The following DPP10 variants were observed in gnomAD, a reference collection of about 807,000 sequenced individuals.
The protein encoded by DPP10 is inactive dipeptidyl peptidase 10.
A neutral mutation model predicts 120.9 loss-of-function variants in DPP10; 33 were observed. That is an observed-to-expected ratio of 0.27 (90% CI 0.21 to 0.37). The LOEUF (loss-of-function observed/expected upper bound fraction) is 0.37. DPP10 is among the 10% of genes least tolerant of loss of function. DPP10 has a pLI of 1.00. For missense variants in DPP10, 816 were observed against 942.8 expected (o/e 0.87, Z 1.76); for synonymous variants, 337 against 326.1 (o/e 1.03, Z -0.36).
At chr2:115,343,376 A>G (rs2063544565) in intron 2 of DPP10, among the ~76,000 whole-genome samples, 1 of 152,068 alleles carries the variant, frequency 6.6e-6, no homozygotes, top group Non-Finnish European at 1.5e-5. Context: ...CTGACTTGAG[A>G]GTTTAGTCAT....
rs747462373 is a variant in DPP10 at position 115,391,158 on chromosome 2, A to G, written c.271+47246A>G. 2.6e-5 allele frequency among the ~76,000 whole-genome samples: 4 copies of G among 152,218 alleles called. No homozygotes were observed. In the East Asian group the frequency reaches 7.7e-4, roughly 29 times the overall value. The stretch of plus-strand genomic sequence containing the variant: ...GAAATCAAATGCATGACTTATCAAC[A>G]TAATCATTTTTGGATAGTATGCACT... On this transcript the variant is annotated intron_variant, in intron 3 of 25. Transcript: ENST00000410059.
At chr2:115,446,808 C>T (rs1225555625) in intron 3 of DPP10, among the ~76,000 whole-genome samples, 1 of 152,164 alleles carries the variant, frequency 6.6e-6, no homozygotes, top group African/African-American at 2.4e-5. Context: ...ATTACCAACA[C>T]ACCTTCCCCC....
intron 3 of DPP10, among the ~76,000 whole-genome samples, chr2:115,384,771 C>G (rs2066788421): frequency 6.6e-6 from 1 of 151,992 alleles, no homozygotes; most frequent in African/African-American, 2.4e-5. Context: ...GAACCTGCAA[C>G]TCTTCTGCCC....
intron 3 of DPP10, among the ~76,000 whole-genome samples, chr2:115,462,173 C>A (rs1428861948): frequency 6.6e-6 from 1 of 152,084 alleles, no homozygotes; most frequent in Admixed American, 6.6e-5. Context: ...CGTCACTTAC[C>A]AGTCACACAA....
chr2:115,830,268 G>A (rs1260411408), intron 21 of DPP10, among the ~76,000 whole-genome samples: 2 of 149,496 alleles, frequency 1.3e-5, no homozygotes, highest in Admixed American at 1.4e-4. Flanking sequence ...TGAAGCAGGA[G>A]AATCGCTTGA....
Position 115,451,461 on chromosome 2 carries a change from C to T in DPP10, c.272-48049C>T, listed in dbSNP as rs564905177. On this transcript the variant is annotated intron_variant, in intron 3 of 25. Coordinates refer to ENST00000410059, the MANE Select transcript of DPP10 (RefSeq NM_020868.6). ...CAAAAATAAAACTCTTTGAAAGCAT[C>T]TTGCCAATTGTCTCTAGCTCCTTTA... is the stretch of plus-strand genomic sequence containing the variant. 1.2e-3 allele frequency among the ~76,000 whole-genome samples: 179 copies of T among 151,980 alleles called. 1 individual carries two copies. In the Middle Eastern group the frequency reaches 0.017, roughly 14 times the overall value.
At chr2:115,789,381 G>C (rs1683695644) in intron 17 of DPP10, among the ~76,000 whole-genome samples, 1 of 151,938 alleles carries the variant, frequency 6.6e-6, no homozygotes, top group Non-Finnish European at 1.5e-5. Context: ...ACACCTCAAA[G>C]GAGTTTTTAA....
At chr2:115,763,799 C>T (rs1255155161) in intron 12 of DPP10, among the ~76,000 whole-genome samples, 1 of 152,114 alleles carries the variant, frequency 6.6e-6, no homozygotes, top group Non-Finnish European at 1.5e-5. Flanking sequence ...TTCTTTCTGT[C>T]CTTCAGATAA....
intron 1 of DPP10, among the ~76,000 whole-genome samples, chr2:114,729,546 G>C (rs1392234341): frequency 6.6e-6 from 1 of 152,174 alleles, no homozygotes; most frequent in Non-Finnish European, 1.5e-5. Context: ...CCAAAGTTTG[G>C]TCCCCACAAC....
intron 1 of DPP10, among the ~76,000 whole-genome samples, chr2:114,793,955 C>T (rs17043566): frequency 0.028 from 4,264 of 152,248 alleles, 211 homozygotes; most frequent in African/African-American, 0.098. Context: ...TTATTTTCAT[C>T]CTAAGGTTGC....
chr2:115,051,708 A>G (rs1361530780), intron 1 of DPP10, among the ~76,000 whole-genome samples: 1 of 152,214 alleles, frequency 6.6e-6, no homozygotes, highest in Non-Finnish European at 1.5e-5. Context: ...AATTTATGGC[A>G]GTAACATAAA....
chr2:115,304,446 C>A (rs1476004094), intron 1 of DPP10, among the ~76,000 whole-genome samples: 4 of 152,012 alleles, frequency 2.6e-5, no homozygotes, highest in Admixed American at 2.0e-4. Flanking sequence ...TTTTTAAGAA[C>A]CTTCCTTGTG....
intron 1 of DPP10, among the ~76,000 whole-genome samples, chr2:115,027,709 C>A (rs1703562678): frequency 6.6e-6 from 1 of 151,992 alleles, no homozygotes; most frequent in African/African-American, 2.4e-5. Context: ...AGAATTGGTT[C>A]TGTGTTTAAT....
chr2:115,234,042 AG>A, intron 1 of DPP10: 1 of 468,244 alleles, frequency 2.1e-6, no homozygotes, highest in Non-Finnish European at 4.2e-6. Context: ...TCTTGAAGAA[AG>A]GGACATTTTA....
intron 5 of DPP10, among the ~76,000 whole-genome samples, chr2:115,561,575 T>A (rs2080678135): frequency 1.3e-5 from 2 of 152,102 alleles, no homozygotes; most frequent in South Asian, 4.1e-4. Flanking sequence ...TGGTGCATAG[T>A]ATATATGAGA....
At chr2:114,633,396 C>T (rs1216907124) in intron 1 of DPP10, among the ~76,000 whole-genome samples, 2 of 150,104 alleles carry the variant, frequency 1.3e-5, no homozygotes, top group Non-Finnish European at 3.0e-5. Context: ...GGATTATAGG[C>T]ATGCACCATC....
chr2:114,766,544 T>C (rs1227160114), intron 1 of DPP10, among the ~76,000 whole-genome samples: 1 of 151,930 alleles, frequency 6.6e-6, no homozygotes, highest in East Asian at 1.9e-4. Flanking sequence ...CTCCAGTGGG[T>C]GAATGGTTAA....
In DPP10 at chr2:115,588,529, G is replaced by T. The variant is rs1342694980; in HGVS notation, c.441+62557G>T. 3.3e-5 allele frequency among the ~76,000 whole-genome samples: 5 copies of T among 152,260 alleles called. No homozygotes were observed. In the East Asian group the frequency reaches 9.7e-4, roughly 29 times the overall value. On this transcript the variant is annotated intron_variant, in intron 5 of 25. Transcript: ENST00000410059. Reference sequence around the variant, plus strand: ...AAACAGACATTGATCTTCCAAAGCAGGTGAAGCTCAAATACAGCAAGAGTC... The same window carrying T: ...AAACAGACATTGATCTTCCAAAGCATGTGAAGCTCAAATACAGCAAGAGTC...
chr2:114,450,464 A>G (rs1159162373), intron 1 of DPP10, among the ~76,000 whole-genome samples: 1 of 152,090 alleles, frequency 6.6e-6, no homozygotes, highest in African/African-American at 2.4e-5. Context: ...TACCTATCCT[A>G]ATATCTGCCA....
Sources: allele counts gnomAD v4.1 joint callset (sites outside exome capture counted in the v4.1 genomes callset), GRCh38; gene constraint gnomAD v4.1.1; transcripts MANE v1.5; gene names NCBI Gene and HGNC (gene_info 2026-07-23, HGNC 2026-07-21).